Variants in RGS5 observed in about 807,000 individuals in gnomAD.
RGS5 encodes the protein regulator of G protein signaling 5.
Under a neutral mutation model 18.9 loss-of-function variants are expected in RGS5, and 20 were observed. That is an observed-to-expected ratio of 1.06 (90% CI 0.74 to 1.54). The LOEUF (loss-of-function observed/expected upper bound fraction) is 1.54, where lower values mean the gene tolerates loss of function less well. Among genes scored for constraint, RGS5 ranks in the 40% most tolerant of loss-of-function variants. The probability of loss-of-function intolerance (pLI) is 0.00; values close to 1 mark genes in which losing one functional copy is unlikely to be tolerated. For missense variants in RGS5, 201 were observed against 211.8 expected, an observed-to-expected ratio of 0.95 and a Z score of 0.32; for synonymous variants, 57 against 76.2, an observed-to-expected ratio of 0.75 and a Z score of 1.31.
intron 2 of RGS5, among the ~76,000 whole-genome samples, chr1:163,236,051 C>T (rs1161329336): frequency 6.6e-6 from 1 of 152,192 alleles, no homozygotes; most frequent in Non-Finnish European, 1.5e-5. Context: ...GAGAATATTA[C>T]ATCAGTTAGA....
At chr1:163,150,975 C>A (rs926430378) in intron 4 of RGS5, among the ~76,000 whole-genome samples, 1 of 152,154 alleles carries the variant, frequency 6.6e-6, no homozygotes, top group South Asian at 2.1e-4. Flanking sequence ...AGATCACCTC[C>A]GTGCTTGACT....
At chr1:163,293,082 A>G (rs1372147433) in intron 2 of RGS5, among the ~76,000 whole-genome samples, 2 of 152,124 alleles carry the variant, frequency 1.3e-5, no homozygotes, top group Non-Finnish European at 2.9e-5. Flanking sequence ...TCATCAAGAA[A>G]TCTTTGCCAC....
chr1:163,228,893 C>A (rs536343613), intron 2 of RGS5, among the ~76,000 whole-genome samples: 2 of 152,316 alleles, frequency 1.3e-5, no homozygotes, highest in Non-Finnish European at 2.9e-5. Context: ...AGAAGTTCCT[C>A]ATTTCCATGT....
chr1:163,314,752 G>A (rs1649970831), intron 1 of RGS5, among the ~76,000 whole-genome samples: 3 of 152,112 alleles, frequency 2.0e-5, no homozygotes, highest in Admixed American at 6.5e-5. Flanking sequence ...CATGACAGGG[G>A]AGCCTTCATG....
chr1:163,264,074 A>G (rs1041589249), intron 2 of RGS5, among the ~76,000 whole-genome samples: 1 of 151,940 alleles, frequency 6.6e-6, no homozygotes, highest in Admixed American at 6.6e-5. Context: ...TTCTTTAATC[A>G]TTGCCTCAGG....
At chr1:163,151,823 A>G (rs1657386350) in intron 4 of RGS5, among the ~76,000 whole-genome samples, 1 of 152,186 alleles carries the variant, frequency 6.6e-6, no homozygotes, top group Admixed American at 6.6e-5. Flanking sequence ...CACTGGTTGA[A>G]CATCACTTAT....
chr1:163,186,613 A>G (rs1428971565), intron 1 of RGS5, among the ~76,000 whole-genome samples: 1 of 151,748 alleles, frequency 6.6e-6, no homozygotes, highest in East Asian at 1.9e-4. Context: ...AGAAAAGAAA[A>G]AAAGCAAAGA....
At chr1:163,186,637 G>C (rs996730497) in intron 1 of RGS5, among the ~76,000 whole-genome samples, 2 of 149,460 alleles carry the variant, frequency 1.3e-5, no homozygotes, top group African/African-American at 4.9e-5. Context: ...ACAAAATTAT[G>C]AATATATGAC....
chr1:163,256,568 A>C (rs12130684), intron 2 of RGS5, among the ~76,000 whole-genome samples: 30,081 of 152,128 alleles, frequency 0.2, 3,405 homozygotes, highest in Non-Finnish European at 0.25. Flanking sequence ...GGTTATAATT[A>C]ATTGCAACAG....
intron 2 of RGS5, among the ~76,000 whole-genome samples, chr1:163,234,566 G>T (rs1647571337): frequency 6.6e-6 from 1 of 152,056 alleles, no homozygotes. Context: ...TTATTTTAGG[G>T]AGTGTTCATA....
intron 2 of RGS5, among the ~76,000 whole-genome samples, chr1:163,266,123 C>G (rs1648567091): frequency 7.0e-6 from 1 of 143,122 alleles, no homozygotes; most frequent in Non-Finnish European, 1.6e-5. Flanking sequence ...CCATCAACCT[C>G]AGAGGGATCT....
intron 2 of RGS5, among the ~76,000 whole-genome samples, chr1:163,301,722 G>A (rs1326305196): frequency 6.6e-6 from 1 of 152,130 alleles, no homozygotes; most frequent in African/African-American, 2.4e-5. Flanking sequence ...AAGCCCCCGT[G>A]CTTTGTTATT....
chr1:163,159,922 C>G (rs558503672), intron 3 of RGS5, among the ~76,000 whole-genome samples: 1 of 152,220 alleles, frequency 6.6e-6, no homozygotes, highest in South Asian at 2.1e-4. Context: ...CATGAACACA[C>G]ACAAGTGCAT....
intron 1 of RGS5, among the ~76,000 whole-genome samples, chr1:163,313,865 G>A (rs1165632291): frequency 6.6e-6 from 1 of 152,162 alleles, no homozygotes; most frequent in African/African-American, 2.4e-5. Flanking sequence ...TTTGAGATTA[G>A]GAAGCACAGT....
intron 1 of RGS5, among the ~76,000 whole-genome samples, chr1:163,180,603 T>C (rs1477001519): frequency 6.7e-6 from 1 of 149,444 alleles, no homozygotes; most frequent in Admixed American, 6.7e-5. Flanking sequence ...ACACACAGAT[T>C]ATTGCTACAG....
chr1:163,197,774 A>G (rs187088509), intron 1 of RGS5, among the ~76,000 whole-genome samples: 4 of 152,224 alleles, frequency 2.6e-5, no homozygotes, highest in East Asian at 1.9e-4. Flanking sequence ...TGAAATTCAT[A>G]CTTATTCTCA....
At chr1:163,204,483 G>C (rs999832637), upstream of RGS5, among the ~76,000 whole-genome samples, 1 of 152,038 alleles carries the variant, frequency 6.6e-6, no homozygotes, top group Non-Finnish European at 1.5e-5. Context: ...CTAAGTAACT[G>C]GGACTAAAGA....
intron 2 of RGS5, among the ~76,000 whole-genome samples, chr1:163,291,915 T>C (rs1649297612): frequency 6.6e-6 from 1 of 152,250 alleles, no homozygotes; most frequent in African/African-American, 2.4e-5. Flanking sequence ...CAATTGATTC[T>C]GTTTGTGCAG....
rs1448802586 is a variant in RGS5 at position 163,143,690 on chromosome 1, A to G, written c.*3652T>C. The G allele has an allele frequency of 1.3e-5, 2 of 152,158 alleles. No individual in the cohort carries two copies. Among genetic ancestry groups the G allele is most frequent in the East Asian group, 3.9e-4 (2 of 5,188 alleles). The allele number at this position is 152,158 out of a possible 1,614,324, so 9.4% of individuals were successfully genotyped here. A position where few individuals can be genotyped will look rare whatever the true frequency, so the allele number is the denominator to read the frequency against. Reference sequence around the variant, plus strand: ...ATGACTATTCTCTCCTAAACTTGCTAAACTCCCAGGAAAAAGGGAAAATGG... The same window carrying G: ...ATGACTATTCTCTCCTAAACTTGCTGAACTCCCAGGAAAAAGGGAAAATGG... On this transcript the variant is annotated 3_prime_UTR_variant, in exon 5 of 5. Coordinates refer to ENST00000313961, the MANE Select transcript of RGS5 (RefSeq NM_003617.4).
Sources: gnomAD v4.1 joint callset for allele counts (sites outside exome capture counted in the v4.1 genomes callset) on GRCh38, gnomAD v4.1.1 for gene constraint, MANE v1.5 for transcripts, NCBI Gene and HGNC (gene_info 2026-07-23, HGNC 2026-07-21) for gene names.